The following LGR6 variants were observed in gnomAD, a reference collection of about 807,000 sequenced individuals.
LGR6 encodes the protein leucine-rich repeat-containing G protein-coupled receptor 6.
LGR6 carries 45 observed loss-of-function variants against 69.4 expected under a neutral mutation model. The observed-to-expected ratio is 0.65, with a 90% confidence interval of 0.51 to 0.83. The LOEUF (loss-of-function observed/expected upper bound fraction) is 0.83, where lower values mean the gene tolerates loss of function less well. Ranked by LOEUF, LGR6 falls within the 40% of genes least tolerant of loss-of-function variation. The pLI, the probability that LGR6 is intolerant of heterozygous loss-of-function variation, is 0.00. For synonymous variants in LGR6, 538 were observed against 555.0 expected (o/e 0.97, Z 0.43); for missense variants, 1,108 against 1,246.7 (o/e 0.89, Z 1.68).
intron 14 of LGR6, 82 bp from the exon 15 acceptor site, chr1:202,308,969 A>G: frequency 1.3e-6 from 2 of 1,539,384 alleles, no homozygotes; most frequent in Non-Finnish European, 1.8e-6. Flanking sequence ...CATCCCAGGC[A>G]CACTGGCCAC....
At chr1:202,254,973 G>A (rs1042141544) in intron 4 of LGR6, among the ~76,000 whole-genome samples, 3 of 152,184 alleles carry the variant, frequency 2.0e-5, no homozygotes, top group Non-Finnish European at 4.4e-5. Flanking sequence ...CCTGAGTGAA[G>A]TGTGAAGGCA....
At chr1:202,261,967 G>T (rs1251347328) in intron 4 of LGR6, among the ~76,000 whole-genome samples, 2 of 152,174 alleles carry the variant, frequency 1.3e-5, no homozygotes, top group African/African-American at 4.8e-5. Flanking sequence ...TGAGTTCATT[G>T]TAAATTCTGG....
chr1:202,283,527 C>T (rs1004093078), intron 6 of LGR6, among the ~76,000 whole-genome samples: 3 of 152,204 alleles, frequency 2.0e-5, no homozygotes, highest in Non-Finnish European at 4.4e-5. Context: ...CTCTCATCTC[C>T]GGCAGCAGAG....
chr1:202,215,426 C>T (rs1659712972), intron 1 of LGR6, among the ~76,000 whole-genome samples: 1 of 152,138 alleles, frequency 6.6e-6, no homozygotes, highest in Non-Finnish European at 1.5e-5. Flanking sequence ...ATATCTCAGT[C>T]CTTCTTTCTA....
intron 11 of LGR6, 78 bp from the exon 12 acceptor site, chr1:202,305,606 G>C: frequency 7.9e-7 from 1 of 1,270,566 alleles, no homozygotes; most frequent in South Asian, 1.2e-5. Context: ...GCACAGTCCT[G>C]GCTAGAGCCC....
chr1:202,235,330 G>A (rs745588464), intron 3 of LGR6, among the ~76,000 whole-genome samples: 1 of 152,196 alleles, frequency 6.6e-6, no homozygotes, highest in Non-Finnish European at 1.5e-5. Flanking sequence ...CGTTTTCATT[G>A]GCTGGCACAG....
intron 4 of LGR6, among the ~76,000 whole-genome samples, chr1:202,237,088 C>T (rs886408443): frequency 1.3e-5 from 2 of 152,180 alleles, no homozygotes; most frequent in African/African-American, 4.8e-5. Context: ...TGCCCTCTAC[C>T]CTCCTGCCTC....
At chr1:202,300,188 G>A (rs1667478654) in intron 7 of LGR6, among the ~76,000 whole-genome samples, 1 of 152,206 alleles carries the variant, frequency 6.6e-6, no homozygotes, top group Admixed American at 6.5e-5. Context: ...CCTCTGTGGG[G>A]ACCCACCAGG....
chr1:202,291,257 G>A (rs939878802), intron 6 of LGR6, among the ~76,000 whole-genome samples: 1 of 152,188 alleles, frequency 6.6e-6, no homozygotes, highest in Non-Finnish European at 1.5e-5. Context: ...CCGGGAGCAG[G>A]AGACAGAACA....
chr1:202,290,627 C>T (rs1468639605), intron 6 of LGR6, among the ~76,000 whole-genome samples: 3 of 152,198 alleles, frequency 2.0e-5, no homozygotes, highest in Non-Finnish European at 2.9e-5. Flanking sequence ...AATCCCAGCA[C>T]TTTGGGAGGC....
At chr1:202,237,205 T>TGGGCGTC (rs906241752) in intron 4 of LGR6, among the ~76,000 whole-genome samples, 6 of 152,190 alleles carry the variant, frequency 3.9e-5, no homozygotes, top group Non-Finnish European at 7.3e-5. Context: ...CAATGAGTGC[T>TGGGCGTC]GGGCGTCTGG....
chr1:202,274,815 C>T (rs187291658), intron 4 of LGR6, among the ~76,000 whole-genome samples: 53 of 152,326 alleles, frequency 3.5e-4, no homozygotes, highest in African/African-American at 1.3e-3. Flanking sequence ...CAGCAGAGGG[C>T]ACTCACTGAA....
intron 14 of LGR6, among the ~76,000 whole-genome samples, chr1:202,308,549 A>C (rs567976378): frequency 1.7e-3 from 260 of 152,314 alleles, no homozygotes; most frequent in Non-Finnish European, 2.4e-3. Flanking sequence ...TACAAGATGG[A>C]ATGGATGACC....
chr1:202,298,266 G>A (rs2148248728), intron 7 of LGR6, among the ~76,000 whole-genome samples: 1 of 152,298 alleles, frequency 6.6e-6, no homozygotes, highest in East Asian at 1.9e-4. Context: ...GACAAATCCT[G>A]AGATGAGCCT....
rs568027089 is a variant in LGR6 at position 202,245,478 on chromosome 1, G to A, written c.428+9485G>A. 2.6e-4 allele frequency among the ~76,000 whole-genome samples: 39 copies of A among 152,262 alleles called. 1 individual carries two copies. The Middle Eastern group carries it at 0.01, about 40-fold the overall frequency. Reference sequence around the variant, plus strand: ...AGTTGGCCCAAGTCGGGCCACCCAGGAGCAGTGCGGGAACACCTCAGCTCA... The same window carrying A: ...AGTTGGCCCAAGTCGGGCCACCCAGAAGCAGTGCGGGAACACCTCAGCTCA... On this transcript the variant is annotated intron_variant, in intron 4 of 17. Coordinates refer to ENST00000367278, the MANE Select transcript of LGR6 (RefSeq NM_001017403.2).
intron 4 of LGR6, among the ~76,000 whole-genome samples, chr1:202,251,157 G>T (rs1412650577): frequency 6.6e-6 from 1 of 152,164 alleles, no homozygotes; most frequent in Non-Finnish European, 1.5e-5. Context: ...TTGGCTTCCA[G>T]TTGCAAGCAC....
chr1:202,222,855 C>T (rs1231772011), intron 1 of LGR6, among the ~76,000 whole-genome samples: 2 of 152,210 alleles, frequency 1.3e-5, no homozygotes, highest in Non-Finnish European at 2.9e-5. Flanking sequence ...GTAATCCCAG[C>T]ACTTTGGGAG....
intron 15 of LGR6, among the ~76,000 whole-genome samples, chr1:202,309,745 G>A (rs573223746): frequency 3.3e-5 from 5 of 152,248 alleles, no homozygotes; most frequent in African/African-American, 7.2e-5. Flanking sequence ...GCCCAGAGGT[G>A]GGGGAGGGAT....
intron 14 of LGR6, among the ~76,000 whole-genome samples, chr1:202,308,500 G>C (rs1248961174): frequency 6.6e-6 from 1 of 152,142 alleles, no homozygotes; most frequent in African/African-American, 2.4e-5. Flanking sequence ...TCCAGTAGAA[G>C]AAAATGCATG....
Sources: gnomAD v4.1 joint callset for allele counts (sites outside exome capture counted in the v4.1 genomes callset) on GRCh38, gnomAD v4.1.1 for gene constraint, MANE v1.5 for transcripts, NCBI Gene and HGNC (gene_info 2026-07-23, HGNC 2026-07-21) for gene names.